The following TARDBP variants were observed in gnomAD, a reference collection of about 807,000 sequenced individuals.
TARDBP encodes the protein TAR DNA binding protein, also known as TAR DNA-binding protein 43.
Under a neutral mutation model 38.3 loss-of-function variants are expected in TARDBP, and 4 were observed. The ratio of observed to expected loss-of-function variants is 0.10; its 90% confidence interval spans 0.05 to 0.24. The LOEUF is 0.24. TARDBP is among the 10% of genes least tolerant of loss of function. The pLI is 1.00. For missense variants in TARDBP, 202 were observed against 521.9 expected (o/e 0.39, Z 5.97); for synonymous variants, 184 against 183.8 (o/e 1.00, Z -0.01).
In TARDBP at chr1:11,016,832, C is replaced by T. The variant is rs753108059; in HGVS notation, c.239-12C>T. 2.5e-5 allele frequency: 41 copies of T among 1,613,252 alleles called. No homozygotes were observed. The Middle Eastern group carries it at 5.2e-4, about 20-fold the overall frequency. On this transcript the variant is annotated splice_polypyrimidine_tract_variant and intron_variant, in intron 2 of 5. Transcript: ENST00000240185. ...TGAAGATTTCTAAAAGGTTTCTGCT[C>T]GTTTTATTTAGATAACAAAAGAAAA... is the stretch of plus-strand genomic sequence containing the variant.
chr1:11,014,091 T>A, intron 2 of TARDBP, 126 bp downstream of exon 2: 1 of 984,996 alleles, frequency 1.0e-6, no homozygotes, highest in Non-Finnish European at 1.6e-6. Context: ...TGAACTTCAG[T>A]GTTAGACAAG....
At chr1:11,026,726 G>T, downstream of TARDBP, 1 of 512,676 alleles carries the variant, frequency 2.0e-6, no homozygotes, top group Non-Finnish European at 3.2e-6. Context: ...AAACTGGCAA[G>T]TGGAGAAATG....
At chr1:11,013,684 A>G (rs1643460343) in intron 1 of TARDBP, 32 bp from the exon 2 acceptor site, 3 of 1,504,952 alleles carry the variant, frequency 2.0e-6, no homozygotes, top group South Asian at 1.2e-5. Flanking sequence ...TCTGACATGA[A>G]TGTTGTTCAT....
chr1:11,013,026 C>A (rs890598501), intron 1 of TARDBP, among the ~76,000 whole-genome samples: 1 of 152,206 alleles, frequency 6.6e-6, no homozygotes, highest in African/African-American at 2.4e-5. Context: ...CTTTGTACTT[C>A]GAGGGACGCT....
intron 2 of TARDBP, 94 bp downstream of exon 2, chr1:11,014,059 T>C: frequency 1.6e-6 from 2 of 1,259,696 alleles, no homozygotes; most frequent in Non-Finnish European, 2.3e-6. Context: ...GCAGAATGTC[T>C]CCTGAAACTT....
downstream of TARDBP, chr1:11,027,539 T>C (rs988816987): frequency 1.2e-5 from 20 of 1,614,210 alleles, no homozygotes; most frequent in Non-Finnish European, 1.7e-5. Flanking sequence ...AAAGTGCACC[T>C]GCTGCTGTGG....
At chr1:11,015,136 G>A (rs1315837226) in intron 2 of TARDBP, among the ~76,000 whole-genome samples, 1 of 151,820 alleles carries the variant, frequency 6.6e-6, no homozygotes, top group African/African-American at 2.4e-5. Context: ...TGTAAACTCG[G>A]GGTTTTTAGT....
At chr1:11,030,186 G>C (rs144136642), downstream of TARDBP, 291 of 1,612,024 alleles carry the variant, frequency 1.8e-4, no homozygotes, top group Non-Finnish European at 2.4e-4. Flanking sequence ...CAGGCTCACA[G>C]ACTGGGAGTG....
chr1:11,026,896 T>A, downstream of TARDBP: 1 of 1,481,324 alleles, frequency 6.8e-7, no homozygotes. Context: ...TAAAAATCAC[T>A]AATTATGTTC....
At chr1:11,025,762 A>G (rs558103737), downstream of TARDBP, 1 of 153,636 alleles carries the variant, frequency 6.5e-6, no homozygotes, top group South Asian at 2.1e-4. Context: ...GCTAAAACCA[A>G]ATGAGATTTT....
chr1:11,014,286 G>A (rs1028644924), intron 2 of TARDBP, among the ~76,000 whole-genome samples: 3 of 152,208 alleles, frequency 2.0e-5, no homozygotes, highest in African/African-American at 7.2e-5. Context: ...GTGCTTCAGT[G>A]TTTGGATTTG....
At chr1:11,021,132 G>A (rs982262697) in intron 5 of TARDBP, among the ~76,000 whole-genome samples, 6 of 151,360 alleles carry the variant, frequency 4.0e-5, no homozygotes, top group African/African-American at 1.5e-4. Flanking sequence ...ATTTGGGAAT[G>A]TTATATACTT....
intron 5 of TARDBP, among the ~76,000 whole-genome samples, chr1:11,021,618 A>C (rs1056865507): frequency 3.3e-5 from 5 of 151,712 alleles, no homozygotes; most frequent in Admixed American, 2.6e-4. Flanking sequence ...ACAGGGTCTC[A>C]CTCTGTTGCC....
intron 3 of TARDBP, among the ~76,000 whole-genome samples, chr1:11,017,719 ATTAAAT>A (rs1387401913): frequency 3.9e-5 from 6 of 152,182 alleles, no homozygotes; most frequent in Non-Finnish European, 2.9e-5. Context: ...ATTTGTAAAC[ATTAAAT>A]TTAGTTTATC....
At chr1:11,026,991 A>G (rs769517117), downstream of TARDBP, 10 of 1,594,944 alleles carry the variant, frequency 6.3e-6, no homozygotes, top group South Asian at 1.1e-5. Context: ...CCAGGACACT[A>G]TTCCTCCCAC....
chr1:11,022,117 C>T lies in TARDBP; in HGVS notation c.715-7C>T. 1 of 1,613,906 alleles carries T rather than the reference C, an allele frequency of 6.2e-7. No individual in the cohort carries two copies. Among genetic ancestry groups the T allele is most frequent in the Non-Finnish European group, 8.5e-7 (1 of 1,179,852 alleles). ...TCTTCTTTGTTTACATCCCTTATTT[C>T]TTATAGATTGCGCAGTCTCTTTGTG... On this transcript the variant is annotated splice_polypyrimidine_tract_variant and splice_region_variant and intron_variant, in intron 5 of 5. Transcript: ENST00000240185. The surrounding 1 kb of genome is among the most constrained non-coding windows in gnomAD (Gnocchi z 4.5).
intron 3 of TARDBP, chr1:11,018,497 CTT>C (rs1381881500): frequency 7.6e-5 from 43 of 567,882 alleles, no homozygotes; most frequent in South Asian, 5.8e-4. Context: ...CCCCATCTCT[CTT>C]TTTTAAAAAA....
At chr1:11,018,701 C>T (rs1323351997) in intron 3 of TARDBP, 32 bp from the exon 4 acceptor site, 3 of 1,613,902 alleles carry the variant, frequency 1.9e-6, no homozygotes, top group Non-Finnish European at 2.5e-6. Context: ...AGTATGTGCA[C>T]TTTTAGAGTA....
intron 2 of TARDBP, chr1:11,016,368 C>G (rs1159724744): frequency 1.7e-5 from 3 of 179,958 alleles, no homozygotes; most frequent in Admixed American, 1.1e-4. Context: ...GCCTCAAACT[C>G]CTGGACTCAA....
Sources: allele counts gnomAD v4.1 joint callset (sites outside exome capture counted in the v4.1 genomes callset), GRCh38; gene constraint gnomAD v4.1.1; non-coding constraint Gnocchi (gnomAD v3.1); transcripts MANE v1.5; gene names NCBI Gene and HGNC (gene_info 2026-07-23, HGNC 2026-07-21).